The following CDH4 variants were observed in gnomAD, a reference collection of about 807,000 sequenced individuals.
The protein encoded by CDH4 is cadherin-4.
CDH4 carries 33 observed loss-of-function variants against 86.0 expected under a neutral mutation model. That is an observed-to-expected ratio of 0.38 (90% CI 0.29 to 0.51). The LOEUF is 0.51. Among genes scored for constraint, CDH4 ranks in the 20% least tolerant of loss-of-function variants. CDH4 has a pLI of 0.86. For missense variants in CDH4, 1,114 were observed against 1,307.4 expected, an observed-to-expected ratio of 0.85 and a Z score of 2.28; for synonymous variants, 555 against 549.4, an observed-to-expected ratio of 1.01 and a Z score of -0.14.
intron 4 of CDH4, among the ~76,000 whole-genome samples, chr20:61,830,132 G>T (rs1981527906): frequency 9.1e-6 from 1 of 109,358 alleles, no homozygotes; most frequent in African/African-American, 3.7e-5. Context: ...ACCCGTTCAT[G>T]TGACCCAGAT....
intron 2 of CDH4, among the ~76,000 whole-genome samples, chr20:61,548,355 T>C (rs1388218423): frequency 6.6e-6 from 1 of 151,968 alleles, no homozygotes; most frequent in Non-Finnish European, 1.5e-5. Context: ...GCCCAACTTG[T>C]CCACCTTCTG....
intron 2 of CDH4, among the ~76,000 whole-genome samples, chr20:61,477,223 G>C (rs753960139): frequency 6.6e-6 from 1 of 152,232 alleles, no homozygotes; most frequent in Admixed American, 6.5e-5. Context: ...TTGCACCATG[G>C]TCCGGGGCAG....
chr20:61,677,776 T>TAGATAGATA (rs10667450), intron 2 of CDH4, among the ~76,000 whole-genome samples: 2 of 151,066 alleles, frequency 1.3e-5, no homozygotes, highest in East Asian at 3.9e-4. Context: ...GTTAGATAGA[T>TAGATAGATA]GATGAATGGA....
chr20:61,408,983 A>G (rs2085099546), intron 2 of CDH4, among the ~76,000 whole-genome samples: 1 of 152,172 alleles, frequency 6.6e-6, no homozygotes, highest in African/African-American at 2.4e-5. Context: ...CTGCTTTTCA[A>G]TGTGGCGTTT....
At chr20:61,777,771 CAA>C (rs1368481857) in intron 4 of CDH4, among the ~76,000 whole-genome samples, 3 of 149,988 alleles carry the variant, frequency 2.0e-5, no homozygotes, top group African/African-American at 7.4e-5. Context: ...CACGTGCATA[CAA>C]AAACACACAT....
rs200150868 is a variant in CDH4, at chr20:61,817,496, C to CT, written c.577-27162dup. 4.7e-5 allele frequency among the ~76,000 whole-genome samples: 7 copies of CT among 150,286 alleles called. No homozygotes were observed. In the South Asian group the frequency reaches 8.5e-4, roughly 18 times the overall value. On this transcript the variant is annotated intron_variant, in intron 4 of 15. Coordinates refer to ENST00000614565, the MANE Select transcript of CDH4 (RefSeq NM_001794.5). ...ACAAGACGCGGAAAGCAACTTCTCG[C>CT]TTTTTTTTTTATTTTTATTTTTTTA...
chr20:61,340,769 G>A (rs890107740), intron 2 of CDH4, among the ~76,000 whole-genome samples: 16 of 151,834 alleles, frequency 1.1e-4, no homozygotes, highest in African/African-American at 3.6e-4. Flanking sequence ...TTTTAGAGAC[G>A]AGGTCTCACT....
At chr20:61,580,962 T>A (rs1179879851) in intron 2 of CDH4, among the ~76,000 whole-genome samples, 1 of 151,882 alleles carries the variant, frequency 6.6e-6, no homozygotes, top group Admixed American at 6.5e-5. Context: ...CTAAAGAGAG[T>A]CCGTCCTGAA....
chr20:61,268,259 G>C (rs1453406722), intron 2 of CDH4, among the ~76,000 whole-genome samples: 2 of 152,204 alleles, frequency 1.3e-5, no homozygotes, highest in African/African-American at 4.8e-5. Flanking sequence ...TCCCGAGGAG[G>C]GGCTCCAGGC....
At chr20:61,520,506 G>A (rs1180036329) in intron 2 of CDH4, among the ~76,000 whole-genome samples, 1 of 152,226 alleles carries the variant, frequency 6.6e-6, no homozygotes, top group African/African-American at 2.4e-5. Flanking sequence ...GGAGCTGTCT[G>A]TCAGGCCAGC....
intron 2 of CDH4, among the ~76,000 whole-genome samples, chr20:61,697,459 G>A (rs989345580): frequency 8.5e-5 from 13 of 152,252 alleles, no homozygotes; most frequent in Middle Eastern, 3.4e-3. Flanking sequence ...TTAGCTGAGC[G>A]TGGTGGTGGA....
At chr20:61,662,551 G>A (rs1038914982) in intron 2 of CDH4, among the ~76,000 whole-genome samples, 2 of 152,198 alleles carry the variant, frequency 1.3e-5, no homozygotes, top group South Asian at 2.1e-4. Context: ...CACAGGACGA[G>A]CACACAGAGG....
chr20:61,747,203 A>G (rs575871295), intron 3 of CDH4, among the ~76,000 whole-genome samples: 1 of 152,282 alleles, frequency 6.6e-6, no homozygotes, highest in East Asian at 1.9e-4. Flanking sequence ...GCATTTTGGG[A>G]GGCCGAGGCG....
At chr20:61,640,676 A>C (rs1600831188) in intron 2 of CDH4, among the ~76,000 whole-genome samples, 1 of 152,330 alleles carries the variant, frequency 6.6e-6, no homozygotes, top group East Asian at 1.9e-4. Context: ...AGTTGGCAGG[A>C]ATTTGCTGGC....
chr20:61,832,286 A>G (rs1455615280), intron 4 of CDH4, among the ~76,000 whole-genome samples: 6 of 152,176 alleles, frequency 3.9e-5, no homozygotes, highest in Non-Finnish European at 7.4e-5. Flanking sequence ...ATCTTGGGTG[A>G]GTGACTCAAC....
Position 61,902,346 on chromosome 20 carries a change from C to T in CDH4, c.1188+7299C>T, listed in dbSNP as rs1323230819. ...CTCTGCCCTTCACCAGCCACGGAGACCCGGGGTCTATGGGCAGTGCCCTAA... is the reference window on the plus strand; with the variant it reads ...CTCTGCCCTTCACCAGCCACGGAGATCCGGGGTCTATGGGCAGTGCCCTAA... On this transcript the variant is annotated intron_variant, in intron 8 of 15. Transcript: ENST00000614565. The surrounding 1 kb of genome is among the most constrained non-coding windows in gnomAD (Gnocchi z 4.6). 1.3e-5 allele frequency among the ~76,000 whole-genome samples: 2 copies of T among 152,270 alleles called. No individual in the cohort carries two copies. The highest frequency in any genetic ancestry group is 3.8e-4 in the East Asian group (2 of 5,200).
chr20:61,521,036 T>G (rs888566585), intron 2 of CDH4, among the ~76,000 whole-genome samples: 1 of 152,198 alleles, frequency 6.6e-6, no homozygotes, highest in Non-Finnish European at 1.5e-5. Context: ...CGCACCCACC[T>G]CCTTATTAAG....
At chr20:61,648,700 G>T (rs1002619180) in intron 2 of CDH4, among the ~76,000 whole-genome samples, 1 of 152,118 alleles carries the variant, frequency 6.6e-6, no homozygotes, top group African/African-American at 2.4e-5. Context: ...TTTGAGGCGC[G>T]CTCCCAGGGT....
intron 8 of CDH4, among the ~76,000 whole-genome samples, chr20:61,908,463 G>C (rs558524917): frequency 6.6e-6 from 1 of 152,100 alleles, no homozygotes; most frequent in South Asian, 2.1e-4. Context: ...CGGGTGGGTC[G>C]GGTGAATCTG....
Sources: gnomAD v4.1 joint callset for allele counts (sites outside exome capture counted in the v4.1 genomes callset) on GRCh38, gnomAD v4.1.1 for gene constraint, Gnocchi (gnomAD v3.1) non-coding constraint, MANE v1.5 for transcripts, NCBI Gene and HGNC (gene_info 2026-07-23, HGNC 2026-07-21) for gene names.